Variants in STX8 observed in about 807,000 individuals in gnomAD.
The protein encoded by STX8 is syntaxin-8.
STX8 carries 23 observed loss-of-function variants against 37.5 expected under a neutral mutation model. The ratio of observed to expected loss-of-function variants is 0.61; its 90% CI spans 0.44 to 0.87. The LOEUF is 0.87. Among genes scored for constraint, STX8 ranks in the 40% least tolerant of loss-of-function variants. STX8 has a pLI of 0.00. For missense variants in STX8, 313 were observed against 284.7 expected, an observed-to-expected ratio of 1.10 and a Z score of -0.71; for synonymous variants, 115 against 99.1, an observed-to-expected ratio of 1.16 and a Z score of -0.95.
intron 4 of STX8, among the ~76,000 whole-genome samples, chr17:9,511,384 T>C (rs1220591374): frequency 6.6e-6 from 1 of 151,936 alleles, no homozygotes; most frequent in Non-Finnish European, 1.5e-5. Context: ...AATCCAACAA[T>C]ACATCAAAAA....
At chr17:9,338,590 GCC>G (rs1910221154) in intron 7 of STX8, among the ~76,000 whole-genome samples, 1 of 152,062 alleles carries the variant, frequency 6.6e-6, no homozygotes, top group African/African-American at 2.4e-5. Context: ...CTTTGTCATG[GCC>G]ACTCCATTTC....
intron 6 of STX8, among the ~76,000 whole-genome samples, chr17:9,423,972 T>C (rs1913533824): frequency 6.6e-6 from 1 of 152,178 alleles, no homozygotes; most frequent in African/African-American, 2.4e-5. Context: ...GACTTAGGCT[T>C]CGGCACACAA....
chr17:9,471,183 A>C (rs1597693438), intron 6 of STX8, among the ~76,000 whole-genome samples: 5 of 96,552 alleles, frequency 5.2e-5, no homozygotes, highest in Admixed American at 1.6e-4. Flanking sequence ...AGACAGTCTC[A>C]CTCTGTCGCC....
intron 7 of STX8, among the ~76,000 whole-genome samples, chr17:9,316,170 T>C (rs962000971): frequency 3.3e-5 from 5 of 152,178 alleles, no homozygotes; most frequent in African/African-American, 1.2e-4. Context: ...GACATGTGGA[T>C]GGGCCCTGAA....
At chr17:9,490,410 C>T (rs943584485) in intron 6 of STX8, among the ~76,000 whole-genome samples, 18 of 151,950 alleles carry the variant, frequency 1.2e-4, no homozygotes, top group African/African-American at 3.4e-4. Flanking sequence ...CTTGCTCTGT[C>T]GCCCAGGCTG....
At chr17:9,485,251 C>T (rs1415041687) in intron 6 of STX8, among the ~76,000 whole-genome samples, 1 of 152,168 alleles carries the variant, frequency 6.6e-6, no homozygotes, top group African/African-American at 2.4e-5. Flanking sequence ...CCAAGGATGA[C>T]AGTGGCCCAG....
chr17:9,392,209 G>A (rs1042812101), intron 6 of STX8, among the ~76,000 whole-genome samples: 5 of 152,140 alleles, frequency 3.3e-5, no homozygotes, highest in African/African-American at 7.2e-5. Context: ...AGGATACAAC[G>A]CAAAATTTTG....
At chr17:9,481,513 A>G (rs1173665517) in intron 6 of STX8, among the ~76,000 whole-genome samples, 1 of 152,176 alleles carries the variant, frequency 6.6e-6, no homozygotes, top group African/African-American at 2.4e-5. Context: ...GCTGGAGGGC[A>G]TTGTTTCAAT....
At chr17:9,540,550 C>A (rs1906238396) in intron 4 of STX8, 1 of 152,210 alleles carries the variant, frequency 6.6e-6, no homozygotes, top group Admixed American at 6.5e-5. Flanking sequence ...TCTCCTTCCT[C>A]TCTGTATCTG....
At chr17:9,483,785 G>A (rs1006006914) in intron 6 of STX8, among the ~76,000 whole-genome samples, 11 of 152,060 alleles carry the variant, frequency 7.2e-5, no homozygotes, top group African/African-American at 1.9e-4. Context: ...TCTGGTTCCC[G>A]GTGTGTCACA....
chr17:9,510,348 A>G (rs980535174), intron 4 of STX8, among the ~76,000 whole-genome samples: 3 of 152,206 alleles, frequency 2.0e-5, no homozygotes, highest in African/African-American at 7.2e-5. Flanking sequence ...TCAACAGCAC[A>G]TAGAACATGG....
intron 7 of STX8, among the ~76,000 whole-genome samples, chr17:9,277,977 C>A (rs575749366): frequency 1.3e-5 from 2 of 152,082 alleles, no homozygotes; most frequent in East Asian, 3.8e-4. Context: ...AAGCAGGGAG[C>A]GGCAATATCT....
At chr17:9,374,933 G>T (rs1227381112) in intron 7 of STX8, among the ~76,000 whole-genome samples, 2 of 151,532 alleles carry the variant, frequency 1.3e-5, no homozygotes, top group Non-Finnish European at 2.9e-5. Flanking sequence ...GTGTGGTGGT[G>T]CACGCCTTAA....
intron 7 of STX8, among the ~76,000 whole-genome samples, chr17:9,251,808 A>G (rs781362367): frequency 2.6e-5 from 4 of 152,214 alleles, no homozygotes; most frequent in African/African-American, 9.6e-5. Flanking sequence ...GGCCATACCA[A>G]TCTTAAGCTC....
intron 7 of STX8, among the ~76,000 whole-genome samples, chr17:9,346,821 A>G (rs1322561292): frequency 6.6e-6 from 1 of 152,034 alleles, no homozygotes; most frequent in African/African-American, 2.4e-5. Context: ...ACATGAAGAG[A>G]TATACTCAAA....
intron 6 of STX8, among the ~76,000 whole-genome samples, chr17:9,402,296 T>C (rs1912653113): frequency 6.6e-6 from 1 of 152,066 alleles, no homozygotes; most frequent in Non-Finnish European, 1.5e-5. Flanking sequence ...ATTTTTTGTA[T>C]TTTTAGTAGA....
intron 4 of STX8, among the ~76,000 whole-genome samples, chr17:9,532,836 AT>A (rs1385545376): frequency 6.6e-6 from 1 of 152,156 alleles, no homozygotes; most frequent in Non-Finnish European, 1.5e-5. Flanking sequence ...GTATCAGACC[AT>A]TAGTTAAGCG....
chr17:9,513,586 G>A (rs373511044), intron 4 of STX8, among the ~76,000 whole-genome samples: 1 of 152,188 alleles, frequency 6.6e-6, no homozygotes, highest in South Asian at 2.1e-4. Context: ...ATGTAAACTA[G>A]TACAGCCACT....
chr17:9,436,276 C>A (rs575837032), intron 6 of STX8, among the ~76,000 whole-genome samples: 28 of 149,820 alleles, frequency 1.9e-4, no homozygotes, highest in Admixed American at 4.7e-4. Flanking sequence ...ACCCGGGAGG[C>A]GGAGCTTGCA....
Sources: allele counts gnomAD v4.1 joint callset (sites outside exome capture counted in the v4.1 genomes callset), GRCh38; gene constraint gnomAD v4.1.1; transcripts MANE v1.5; gene names NCBI Gene and HGNC (gene_info 2026-07-23, HGNC 2026-07-21).